NEK1: variants seen among roughly 807,000 people sequenced by gnomAD.
NEK1 encodes NIMA related kinase 1.
Under a neutral mutation model 182.1 loss-of-function variants are expected in NEK1, and 137 were observed. The observed-to-expected ratio is 0.75, with a 90% CI of 0.65 to 0.87. The LOEUF is 0.87. NEK1 is among the 40% of genes least tolerant of loss of function. The probability of loss-of-function intolerance (pLI) is 0.00; values close to 1 mark genes in which losing one functional copy is unlikely to be tolerated. For synonymous variants in NEK1, 513 were observed against 492.2 expected, an observed-to-expected ratio of 1.04 and a Z score of -0.56; for missense variants, 1,391 against 1,494.4, an observed-to-expected ratio of 0.93 and a Z score of 1.14.
Position 169,556,967 on chromosome 4 carries a change from A to C in NEK1, c.1267-872T>G, listed in dbSNP as rs538399949. Reference sequence around the variant, plus strand: ...AAAGTATTAAGTATTAAGTTTGGCTATAAAAGCTTGGTATAGCTAAATGCT... The same window carrying C: ...AAAGTATTAAGTATTAAGTTTGGCTCTAAAAGCTTGGTATAGCTAAATGCT... On this transcript the variant is annotated intron_variant, in intron 16 of 35. Coordinates refer to ENST00000507142, the MANE Select transcript of NEK1 (RefSeq NM_001199397.3). 3.9e-5 allele frequency among the ~76,000 whole-genome samples: 6 copies of C among 152,350 alleles called. No individual in the cohort carries two copies. The East Asian group carries it at 1.2e-3, about 29-fold the overall frequency.
At chr4:169,436,691 GC>G (rs1487169467) in intron 28 of NEK1, among the ~76,000 whole-genome samples, 3 of 152,200 alleles carry the variant, frequency 2.0e-5, no homozygotes, top group African/African-American at 7.2e-5. Context: ...GGAAGACATG[GC>G]CTCAAGACAA....
chr4:169,452,737 C>A (rs1167197820), intron 27 of NEK1, among the ~76,000 whole-genome samples: 2 of 152,130 alleles, frequency 1.3e-5, no homozygotes, highest in Non-Finnish European at 2.9e-5. Context: ...GGAAGCATTC[C>A]CTTTGAAAAC....
In NEK1 at chr4:169,566,017, A is replaced by G. The variant is rs556979371; in HGVS notation, c.1021-3821T>C. 2.6e-5 allele frequency among the ~76,000 whole-genome samples: 4 copies of G among 152,358 alleles called. No individual in the cohort carries two copies. The South Asian group carries it at 8.3e-4, about 32-fold the overall frequency. Reference sequence around the variant, plus strand: ...TACATATCCCAAGAGTTACTAAATCATAATCTTTGGACATAGAGCCCTACA... The same window carrying G: ...TACATATCCCAAGAGTTACTAAATCGTAATCTTTGGACATAGAGCCCTACA... On this transcript the variant is annotated intron_variant, in intron 12 of 35. Transcript: ENST00000507142.
At chr4:169,563,289 A>G (rs1763205737) in intron 12 of NEK1, among the ~76,000 whole-genome samples, 1 of 151,986 alleles carries the variant, frequency 6.6e-6, no homozygotes, top group South Asian at 2.1e-4. Context: ...TGAGCCCAGG[A>G]GGTAGAGGCT....
Position 169,587,616 on chromosome 4 carries a change from G to A in NEK1, c.552-3C>T. ...CACACCCCAGAGCCCAAATGTCACT[G>A]GAGAAGATAAAAATGAGAAATTTCC... is the stretch of plus-strand genomic sequence containing the variant. On this transcript the variant is annotated splice_region_variant and splice_polypyrimidine_tract_variant and intron_variant, in intron 8 of 35. Transcript: ENST00000507142. The A allele has an allele frequency of 6.6e-7, 1 of 1,526,692 alleles. No homozygotes were observed. Among genetic ancestry groups the A allele is most frequent in the Non-Finnish European group, 8.9e-7 (1 of 1,126,698 alleles). The allele number at this position is 1,526,692 out of a possible 1,614,324, so 94.6% of individuals were successfully genotyped here. A position where few individuals can be genotyped will look rare whatever the true frequency, so the allele number is the denominator to read the frequency against.
At chr4:169,574,723 AG>A (rs1329676121) in intron 12 of NEK1, among the ~76,000 whole-genome samples, 1 of 152,138 alleles carries the variant, frequency 6.6e-6, no homozygotes, top group Non-Finnish European at 1.5e-5. Context: ...GGAGAATGGC[AG>A]GATCAGGCAG....
rs1226851090 is a variant in NEK1 at position 169,602,102 on chromosome 4, C to T, written c.120G>A (p.Met40Ile). The stretch of plus-strand genomic sequence containing the variant: ...TTGATTCTTCTCTTTCTTTACTGGA[C>T]ATCTTAAATGGGAGGAAAAAGAAAA... ...YVIKEINISR[M>I]SSKEREESRR... The change falls in exon 4 of 36, where the codon ATG becomes ATA. Residue 40 changes from methionine to isoleucine, a missense_variant and splice_region_variant. Coordinates refer to ENST00000507142, the MANE Select transcript of NEK1 (RefSeq NM_001199397.3). The T allele has an allele frequency of 4.4e-6, 7 of 1,608,168 alleles. No individual in the cohort carries two copies. Among genetic ancestry groups the T allele is most frequent in the Non-Finnish European group, 6.0e-6 (7 of 1,175,112 alleles).
At chr4:169,569,252 T>C (rs549518382) in intron 12 of NEK1, among the ~76,000 whole-genome samples, 4 of 152,308 alleles carry the variant, frequency 2.6e-5, no homozygotes, top group Admixed American at 2.0e-4. Context: ...TACCTCAACC[T>C]GAAGTAGTTT....
intron 12 of NEK1, among the ~76,000 whole-genome samples, chr4:169,567,298 C>T (rs900236477): frequency 2.6e-5 from 4 of 151,034 alleles, no homozygotes; most frequent in South Asian, 2.1e-4. Context: ...TGGTAAAATA[C>T]ATAAAACAAA....
chr4:169,536,387 C>T (rs1415958051), intron 19 of NEK1, among the ~76,000 whole-genome samples: 1 of 150,110 alleles, frequency 6.7e-6, no homozygotes, highest in African/African-American at 2.5e-5. Context: ...AAAAAAGATA[C>T]ATTATATACC....
At chr4:169,506,886 G>C (rs191456061) in intron 23 of NEK1, 151 bp downstream of exon 23, 31 of 417,636 alleles carry the variant, frequency 7.4e-5, no homozygotes, top group African/African-American at 6.2e-4. Context: ...GACTGAGAAA[G>C]AGAGAGGTAA....
chr4:169,524,030 TTAAG>T (rs1363440629), intron 19 of NEK1, among the ~76,000 whole-genome samples: 4 of 152,174 alleles, frequency 2.6e-5, no homozygotes, highest in Non-Finnish European at 4.4e-5. Context: ...GGTTCTTCTG[TTAAG>T]TTATTCAACA....
At chr4:169,441,841 T>C (rs111250879) in intron 27 of NEK1, among the ~76,000 whole-genome samples, 42 of 152,176 alleles carry the variant, frequency 2.8e-4, no homozygotes, top group African/African-American at 9.6e-4. Flanking sequence ...GGCCCAAGTA[T>C]AGGCCTGCTC....
At chr4:169,409,338 G>GC in intron 31 of NEK1, among the ~76,000 whole-genome samples, 1 of 152,082 alleles carries the variant, frequency 6.6e-6, no homozygotes, top group African/African-American at 2.4e-5. Flanking sequence ...TAGAGACGGG[G>GC]TTTCACCATG....
intron 18 of NEK1, among the ~76,000 whole-genome samples, chr4:169,553,472 C>A (rs1457719364): frequency 6.6e-6 from 1 of 151,874 alleles, no homozygotes; most frequent in African/African-American, 2.4e-5. Context: ...AGTTATAACA[C>A]CAGAGACACA....
At chr4:169,602,239 G>A in intron 3 of NEK1, 135 bp from the exon 4 acceptor site, 1 of 669,542 alleles carries the variant, frequency 1.5e-6, no homozygotes, top group South Asian at 1.9e-5. Flanking sequence ...AAGTTAAAAA[G>A]AATGAGTTGA....
Position 169,493,950 on chromosome 4 carries a change from A to T in NEK1, c.2007+13087T>A, listed in dbSNP as rs568884019. Among the ~76,000 whole-genome samples the T allele has an allele frequency of 4.6e-5, 7 of 152,344 alleles. No homozygotes were observed. In the South Asian group the frequency reaches 1.5e-3, roughly 32 times the overall value. On this transcript the variant is annotated intron_variant, in intron 23 of 35. Transcript: ENST00000507142. ...ACAAGAAATTCAGAGAACACCAGTG[A>T]GATACTATATAAGATGACCATCACC...
intron 23 of NEK1, among the ~76,000 whole-genome samples, chr4:169,494,478 T>C (rs1347233518): frequency 1.3e-5 from 2 of 152,242 alleles, no homozygotes; most frequent in African/African-American, 4.8e-5. Context: ...GTGCCACATA[T>C]TCTTAATTCA....
chr4:169,480,013 T>C (rs1304778975), intron 23 of NEK1, among the ~76,000 whole-genome samples: 1 of 152,170 alleles, frequency 6.6e-6, no homozygotes, highest in Non-Finnish European at 1.5e-5. Context: ...TTTACTTCAC[T>C]GAAAACATCA....
Sources: gnomAD v4.1 joint callset for allele counts (sites outside exome capture counted in the v4.1 genomes callset) on GRCh38, gnomAD v4.1.1 for gene constraint, MANE v1.5 for transcripts, NCBI Gene and HGNC (gene_info 2026-07-23, HGNC 2026-07-21) for gene names.